TNS2: variants seen among roughly 807,000 people sequenced by gnomAD.
The protein encoded by TNS2 is tensin 2, also known as tensin-2.
A neutral mutation model predicts 155.7 loss-of-function variants in TNS2; 77 were observed. The ratio of observed to expected loss-of-function variants is 0.49; its 90% CI spans 0.41 to 0.60. The LOEUF (loss-of-function observed/expected upper bound fraction) is 0.60, where lower values mean the gene tolerates loss of function less well. Ranked by LOEUF, TNS2 falls within the 20% of genes least tolerant of loss-of-function variation. The pLI, the probability that TNS2 is intolerant of heterozygous loss-of-function variation, is 0.00. For missense variants in TNS2, 1,703 were observed against 1,868.8 expected (o/e 0.91, Z 1.64); for synonymous variants, 726 against 763.9 (o/e 0.95, Z 0.82).
At position 53,059,721 on chromosome 12, in the gene TNS2, G is replaced by A. The variant is rs761637197; in HGVS notation, c.2080G>A (p.Glu694Lys). The change falls in exon 18 of 29, where the codon GAG becomes AAG. Residue 694 changes from glutamate (E) to lysine (K), a missense_variant. By Grantham distance (56) the Glu-to-Lys change is moderately conservative. Transcript: ENST00000314250. This position sits in a 1 kb window ranked among gnomAD's most constrained non-coding sequence, Gnocchi z 4.7. ...TGCCCTATACCCATGCCCAGCCTGC[G>A]AGGAGAAGCTGGCGCTGCCTACAGC... ...LPALYPCPACEEKLALPTAAL... is the reference protein window; with the variant it reads ...LPALYPCPACKEKLALPTAAL... 152 of 1,612,988 alleles carry A rather than the reference G, an allele frequency of 9.4e-5. No homozygotes were observed. Among genetic ancestry groups the A allele is most frequent in the Non-Finnish European group, 1.2e-4 (146 of 1,179,900 alleles).
chr12:53,060,526 C>T lies in TNS2; in HGVS notation c.2739C>T (p.His913=). ...SELSGPSTPL[H]TSSPVQGKES... ...TGTCTGGTCCCTCCACGCCCCTGCA[C>T]ACCAGCAGTCCAGTCCAGGGCAAGG... The change falls in exon 19 of 29, where the codon CAC becomes CAT. Residue 913 remains histidine, a synonymous_variant. Coordinates refer to ENST00000314250, the MANE Select transcript of TNS2 (RefSeq NM_170754.4). This position sits in a 1 kb window ranked among gnomAD's most constrained non-coding sequence, Gnocchi z 6.1. 6.2e-7 allele frequency: 1 copy of T among 1,613,804 alleles called. No homozygotes were observed. The highest frequency in any genetic ancestry group is 8.5e-7 in the Non-Finnish European group (1 of 1,179,988).
In TNS2 at chr12:53,057,205, G is replaced by A. The variant is rs755497909; in HGVS notation, c.845+109G>A. 2.1e-4 allele frequency: 255 copies of A among 1,215,614 alleles called. 1 individual carries two copies. Among genetic ancestry groups the A allele is most frequent in the Non-Finnish European group, 2.8e-4 (238 of 851,384 alleles). The allele number at this position is 1,215,614 out of a possible 1,614,324, so 75.3% of individuals were successfully genotyped here. ...ACTTTCACTGAGTGTGCCAAGCGCCGTGCCAGGTGCTGAGAATTCAAAGTG... is the reference window on the plus strand; with the variant it reads ...ACTTTCACTGAGTGTGCCAAGCGCCATGCCAGGTGCTGAGAATTCAAAGTG... On this transcript the variant is annotated intron_variant, in intron 11 of 28. Transcript: ENST00000314250.
At position 53,062,656 on chromosome 12, in the gene TNS2, C is replaced by A. The variant is rs375027091; in HGVS notation, c.3782C>A (p.Thr1261Asn). ...GAGACCCCAGAGGCTCCAGTGCCCA[C>A]CAACATGAGCACAGCGGCAGACCTC... ...LEETPEAPVP[T>N]NMSTAADLLR... The change falls in exon 25 of 29, where the codon ACC becomes AAC. Residue 1261 changes from threonine (T) to asparagine (N), a missense_variant. Thr to Asn is a moderately conservative substitution (Grantham distance 65). Coordinates refer to ENST00000314250, the MANE Select transcript of TNS2 (RefSeq NM_170754.4). 1.2e-6 allele frequency: 2 copies of A among 1,614,044 alleles called. No homozygotes were observed. Among genetic ancestry groups the A allele is most frequent in the Admixed American group, 3.3e-5 (2 of 60,018 alleles).
rs550809010 is a variant in TNS2, at chr12:53,063,001, G to C, written c.3824-88G>C. ...TCACCTATGTGATTGTAAAGCATGT[G>C]ACAGCAGTAGCTGGGGAATGTGCAA... On this transcript the variant is annotated intron_variant, in intron 25 of 28. Transcript: ENST00000314250. This position sits in a 1 kb window ranked among gnomAD's most constrained non-coding sequence, Gnocchi z 5.6. The C allele has an allele frequency of 2.2e-5, 32 of 1,457,528 alleles. No homozygotes were observed. Among genetic ancestry groups the C allele is most frequent in the Non-Finnish European group, 2.8e-5 (31 of 1,093,102 alleles). The allele number at this position is 1,457,528 out of a possible 1,614,324, so 90.3% of individuals were successfully genotyped here.
At position 53,060,947 on chromosome 12, in the gene TNS2, A is replaced by G. The variant is rs1393616022; in HGVS notation, c.3041A>G (p.His1014Arg). 1 of 1,601,762 alleles carries G rather than the reference A, an allele frequency of 6.2e-7. No individual in the cohort carries two copies. The highest frequency in any genetic ancestry group is 1.7e-5 in the Admixed American group (1 of 58,388). ...CCCACCACACTTCCTGGCCTCCGCC[A>G]CGCCCCCTGGCAAGGCCCTCGAGGC... is the stretch of plus-strand genomic sequence containing the variant. ...PVPTTLPGLR[H>R]APWQGPRGPP... Residue 1014 changes from histidine (H) to arginine (R), a missense_variant, in exon 20 of 29, where the codon CAC becomes CGC. By Grantham distance (29) the His-to-Arg change is conservative. Coordinates refer to ENST00000314250, the MANE Select transcript of TNS2 (RefSeq NM_170754.4). The surrounding 1 kb of genome is among the most constrained non-coding windows in gnomAD (Gnocchi z 6.1).
In TNS2 at chr12:53,064,170, C is replaced by T; in HGVS notation, c.*288C>T. On this transcript the variant is annotated 3_prime_UTR_variant, in exon 29 of 29. Transcript: ENST00000314250. The stretch of plus-strand genomic sequence containing the variant: ...AGCCCCGAAGGAGATCAGGCAGCCC[C>T]ACCTGCAGGAGAACGTCAGCCCTCC... 2.6e-6 allele frequency: 1 copy of T among 386,726 alleles called. No individual in the cohort carries two copies. Among genetic ancestry groups the T allele is most frequent in the Non-Finnish European group, 4.7e-6 (1 of 212,120 alleles). The allele number at this position is 386,726 out of a possible 1,614,324, so 24.0% of individuals were successfully genotyped here.
chr12:53,054,110 C>T lies in TNS2; in HGVS notation c.350+96C>T, dbSNP rs1944040558. On this transcript the variant is annotated intron_variant, in intron 6 of 28. Coordinates refer to ENST00000314250, the MANE Select transcript of TNS2 (RefSeq NM_170754.4). ...TGCCCCGCAACAGAGCTCCCCGGGA[C>T]AGCCCCCCACCCCCAAAGCGGTATT... 1.9e-6 allele frequency: 3 copies of T among 1,580,422 alleles called. No individual in the cohort carries two copies. The African/African-American group carries it at 4.1e-5, about 21-fold the overall frequency.
At position 53,059,602 on chromosome 12, in the gene TNS2, A is replaced by T. The variant is rs751532478; in HGVS notation, c.1961A>T (p.Tyr654Phe). 1 of 1,611,758 alleles carries T rather than the reference A, an allele frequency of 6.2e-7. No homozygotes were observed. The highest frequency in any genetic ancestry group is 1.3e-5 in the African/African-American group (1 of 74,828). Residue 654 changes from tyrosine (Y) to phenylalanine (F), a missense_variant, in exon 18 of 29, where the codon TAC becomes TTC. By Grantham distance (22) the Tyr-to-Phe change is conservative. Transcript: ENST00000314250. This position sits in a 1 kb window ranked among gnomAD's most constrained non-coding sequence, Gnocchi z 4.7. ...TCGCTGTCAGAGGGGCTATACCCCT[A>T]CCCACCTGAGATGGGGAAACCAGCC... ...CRSLSEGLYP[Y>F]PPEMGKPATG...
chr12:53,052,074 T>C, intron 2 of TNS2, 111 bp downstream of exon 2: 1 of 944,938 alleles, frequency 1.1e-6, no homozygotes, highest in Non-Finnish European at 1.6e-6. Flanking sequence ...GCTCCTGGAT[T>C]AGGCACAATG....
chr12:53,054,518 C>T lies in TNS2; in HGVS notation c.522+77C>T, dbSNP rs991024633. 1.0e-5 allele frequency: 15 copies of T among 1,430,612 alleles called. 1 individual carries two copies. The African/African-American group carries it at 2.0e-4, about 19-fold the overall frequency. 88.6% of individuals were successfully genotyped at this position (1,430,612 alleles called of 1,614,324 possible). A position where few individuals can be genotyped will look rare whatever the true frequency, so the allele number is the denominator to read the frequency against. ...GATGGGCGAGGCTAATCACTGACGT[C>T]ACCAGCGGAGGCGAGGCCGCCAGGG... On this transcript the variant is annotated intron_variant, in intron 7 of 28. Coordinates refer to ENST00000314250, the MANE Select transcript of TNS2 (RefSeq NM_170754.4).
Position 53,058,833 on chromosome 12 carries a change from C to A in TNS2, c.1405+6C>A, listed in dbSNP as rs757083731. 5 of 1,612,726 alleles carry A rather than the reference C, an allele frequency of 3.1e-6. 1 individual carries two copies. Among genetic ancestry groups the A allele is most frequent in the Non-Finnish European group, 3.4e-6 (4 of 1,179,776 alleles). ...CCACGAGGACAGTGTGGATGGTGCG[C>A]AGGCAGCCTGCAGGGTGGGAGGTAC... On this transcript the variant is annotated splice_donor_region_variant and intron_variant, in intron 17 of 28. Transcript: ENST00000314250.
rs773037209 is a variant in TNS2 at position 53,053,397 on chromosome 12, C to T, written c.223-14C>T. 1.7e-5 allele frequency: 28 copies of T among 1,613,856 alleles called. No individual in the cohort carries two copies. Among genetic ancestry groups the T allele is most frequent in the African/African-American group, 2.7e-5 (2 of 74,876 alleles). The stretch of plus-strand genomic sequence containing the variant: ...TTCACCAGGAGCTCAGTTCCTTACT[C>T]GGTCCCCTTCCAGGTGACTTCAGCC... On this transcript the variant is annotated splice_polypyrimidine_tract_variant and intron_variant, in intron 3 of 28. Transcript: ENST00000314250.
chr12:53,059,356 T>C lies in TNS2; in HGVS notation c.1715T>C (p.Val572Ala), dbSNP rs748167761. ...AILDDEEQPT[V>A]GGGPHLGVYP... The stretch of plus-strand genomic sequence containing the variant: ...CTAGATGACGAAGAGCAGCCCACTG[T>C]GGGCGGAGGCCCCCACCTCGGAGTG... The change falls in exon 18 of 29, where the codon GTG (valine) becomes GCG (alanine). Residue 572 changes from valine (V) to alanine (A), a missense_variant. Val to Ala is a moderately conservative substitution (Grantham distance 64). Transcript: ENST00000314250. The surrounding 1 kb of genome is among the most constrained non-coding windows in gnomAD (Gnocchi z 4.7). The C allele has an allele frequency of 1.1e-5, 16 of 1,445,516 alleles. No individual in the cohort carries two copies. The Admixed American group carries it at 4.0e-4, about 36-fold the overall frequency. 89.5% of individuals were successfully genotyped at this position (1,445,516 alleles called of 1,614,324 possible).
upstream of TNS2, among the ~76,000 whole-genome samples, chr12:53,048,127 A>C (rs1440578900): frequency 6.6e-6 from 1 of 152,100 alleles, no homozygotes; most frequent in Non-Finnish European, 1.5e-5. Flanking sequence ...CAAGTGAGCT[A>C]CTTTTCCCCT....
chr12:53,063,845 C>T lies in TNS2; in HGVS notation c.4193C>T (p.Thr1398Ile). 1 of 1,614,130 alleles carries T rather than the reference C, an allele frequency of 6.2e-7. No homozygotes were observed. Among genetic ancestry groups the T allele is most frequent in the Non-Finnish European group, 8.5e-7 (1 of 1,180,026 alleles). The change falls in exon 29 of 29, where the codon ACC becomes ATC. Residue 1398 changes from threonine to isoleucine, a missense_variant. Physicochemically the swap from Thr to Ile is moderately conservative, Grantham distance 89. Coordinates refer to ENST00000314250, the MANE Select transcript of TNS2 (RefSeq NM_170754.4). The surrounding 1 kb of genome is among the most constrained non-coding windows in gnomAD (Gnocchi z 5.6). The part of the protein sequence containing the change: ...DPDQPAGAIV[T>I]FITKVLLGQR... Reference sequence around the variant, plus strand: ...GATCAGCCTGCTGGCGCCATTGTCACCTTCATCACCAAAGTTCTACTGGGC... The same window carrying T: ...GATCAGCCTGCTGGCGCCATTGTCATCTTCATCACCAAAGTTCTACTGGGC...
chr12:53,053,571 C>T (rs541212742), intron 4 of TNS2, 122 bp downstream of exon 4: 1 of 1,424,050 alleles, frequency 7.0e-7, no homozygotes, highest in Non-Finnish European at 9.7e-7. Flanking sequence ...GGGTATTGCT[C>T]ATCCTATGAG....
chr12:53,063,387 C>T lies in TNS2; in HGVS notation c.4031C>T (p.Thr1344Ile). 6.2e-7 allele frequency: 1 copy of T among 1,614,096 alleles called. No homozygotes were observed. ...FRRHYPVNSI[T>I]FSSTDPQDRR... Reference sequence around the variant, plus strand: ...CGCCATTATCCAGTGAACAGCATCACCTTCTCCAGCACTGACCCTCAAGAC... The same window carrying T: ...CGCCATTATCCAGTGAACAGCATCATCTTCTCCAGCACTGACCCTCAAGAC... Residue 1344 changes from threonine (T) to isoleucine (I), a missense_variant, in exon 27 of 29, where the codon ACC (threonine) becomes ATC (isoleucine). Transcript: ENST00000314250. The surrounding 1 kb of genome is among the most constrained non-coding windows in gnomAD (Gnocchi z 5.6).
Position 53,063,394 on chromosome 12 carries a change from C to A in TNS2, c.4038C>A (p.Ser1346=). The A allele has an allele frequency of 1.2e-6, 2 of 1,614,148 alleles. No homozygotes were observed. The highest frequency in any genetic ancestry group is 2.2e-5 in the South Asian group (2 of 91,082). The change falls in exon 27 of 29, where the codon TCC becomes TCA. Residue 1346 remains serine (S), a synonymous_variant. Transcript: ENST00000314250. This position sits in a 1 kb window ranked among gnomAD's most constrained non-coding sequence, Gnocchi z 5.6. ...ATCCAGTGAACAGCATCACCTTCTC[C>A]AGCACTGACCCTCAAGACCGGAGGT... The part of the protein sequence containing the change: ...RHYPVNSITF[S]STDPQDRRWT...
chr12:53,059,528 C>T lies in TNS2; in HGVS notation c.1887C>T (p.Ser629=). 1 of 1,582,518 alleles carries T rather than the reference C, an allele frequency of 6.3e-7. No homozygotes were observed. Among genetic ancestry groups the T allele is most frequent in the East Asian group, 2.2e-5 (1 of 44,670 alleles). ...TGGCCTACGGGGGCTATGAGGGATC[C>T]CCCCAGGGCTACGCCGAGGCCTCGA... The part of the protein sequence containing the change: ...RRLAYGGYEG[S]PQGYAEASME... The change falls in exon 18 of 29, where the codon TCC becomes TCT. Residue 629 remains serine (S), a synonymous_variant. Coordinates refer to ENST00000314250, the MANE Select transcript of TNS2 (RefSeq NM_170754.4). This position sits in a 1 kb window ranked among gnomAD's most constrained non-coding sequence, Gnocchi z 4.7.
Sources: allele counts gnomAD v4.1 joint callset (sites outside exome capture counted in the v4.1 genomes callset), GRCh38; gene constraint gnomAD v4.1.1; non-coding constraint Gnocchi (gnomAD v3.1); transcripts MANE v1.5; gene names NCBI Gene and HGNC (gene_info 2026-07-23, HGNC 2026-07-21).